MYOZ2: variants seen among roughly 807,000 people sequenced by gnomAD.
MYOZ2 encodes myozenin 2.
In MYOZ2, 19 loss-of-function variants were observed where a neutral mutation model predicts 25.4. The observed-to-expected ratio is 0.75, with a 90% CI of 0.52 to 1.10. The LOEUF (loss-of-function observed/expected upper bound fraction) is 1.10, where lower values mean the gene tolerates loss of function less well. Among genes scored for constraint, MYOZ2 ranks in the 50% least tolerant of loss-of-function variants. MYOZ2 has a pLI of 0.00. For missense variants in MYOZ2, 270 were observed against 317.9 expected (o/e 0.85, Z 1.15); for synonymous variants, 92 against 106.9 (o/e 0.86, Z 0.86).
intron 5 of MYOZ2, among the ~76,000 whole-genome samples, chr4:119,165,843 G>A (rs952278000): frequency 2.0e-5 from 3 of 152,130 alleles, no homozygotes; most frequent in Admixed American, 1.3e-4. Context: ...TTGGTGCCCT[G>A]TACCTGCTGA....
chr4:119,152,489 C>T (rs1043899712), intron 3 of MYOZ2, among the ~76,000 whole-genome samples: 1 of 152,036 alleles, frequency 6.6e-6, no homozygotes, highest in Non-Finnish European at 1.5e-5. Context: ...AGGAATAATG[C>T]TTTAACTACA....
intron 2 of MYOZ2, among the ~76,000 whole-genome samples, chr4:119,143,299 G>T (rs867235444): frequency 6.6e-6 from 1 of 151,780 alleles, no homozygotes; most frequent in South Asian, 2.1e-4. Context: ...AGGTTCAAGC[G>T]ATTCTCCTGC....
At chr4:119,172,964 CTCTTA>C (rs1205082904) in intron 5 of MYOZ2, among the ~76,000 whole-genome samples, 1 of 152,174 alleles carries the variant, frequency 6.6e-6, no homozygotes. Context: ...GTCACTTAAC[CTCTTA>C]TCTTAATTTC....
chr4:119,170,184 T>C (rs1741918001), intron 5 of MYOZ2, among the ~76,000 whole-genome samples: 1 of 152,090 alleles, frequency 6.6e-6, no homozygotes, highest in Admixed American at 6.5e-5. Flanking sequence ...ATTCCCTCTC[T>C]GCCACCATCA....
At position 119,187,206 on chromosome 4, in the gene MYOZ2, TA is replaced by T; in HGVS notation, c.*1010del. 6.6e-6 allele frequency: 1 copy of T among 152,172 alleles called. No homozygotes were observed. The highest frequency in any genetic ancestry group is 1.5e-5 in the Non-Finnish European group (1 of 68,010). 9.4% of individuals were successfully genotyped at this position (152,172 alleles called of 1,614,324 possible). On this transcript the variant is annotated 3_prime_UTR_variant, in exon 6 of 6. Transcript: ENST00000307128. The stretch of plus-strand genomic sequence containing the variant: ...TCGTAATATATGTAATATATTGACA[TA>T]AAAGACACAAACTAATATAAAGTTA...
At chr4:119,146,124 T>A (rs1169406879) in intron 2 of MYOZ2, among the ~76,000 whole-genome samples, 1 of 152,168 alleles carries the variant, frequency 6.6e-6, no homozygotes, top group Non-Finnish European at 1.5e-5. Flanking sequence ...ATATTTTCCA[T>A]GTTAATCTTA....
rs1561138853 is a variant in MYOZ2 at position 119,187,746 on chromosome 4, AT to A, written c.*1550del. 6.6e-6 allele frequency: 1 copy of A among 152,102 alleles called. No homozygotes were observed. The highest frequency in any genetic ancestry group is 1.9e-4 in the East Asian group (1 of 5,202). The allele number at this position is 152,102 out of a possible 1,614,324, so 9.4% of individuals were successfully genotyped here. A position where few individuals can be genotyped will look rare whatever the true frequency, so the allele number is the denominator to read the frequency against. ...GCTCCCATCATGCCATTTTTTGTTC[AT>A]TTTAATCTTTAAAAAATAAAAATTA... On this transcript the variant is annotated 3_prime_UTR_variant, in exon 6 of 6. Transcript: ENST00000307128.
intron 3 of MYOZ2, among the ~76,000 whole-genome samples, chr4:119,157,441 A>G (rs1741605441): frequency 1.3e-5 from 2 of 152,108 alleles, no homozygotes; most frequent in African/African-American, 2.4e-5. Flanking sequence ...TCAGCATTTT[A>G]TTTTCTAAAA....
At chr4:119,183,185 C>T (rs1226664035) in intron 5 of MYOZ2, among the ~76,000 whole-genome samples, 1 of 152,002 alleles carries the variant, frequency 6.6e-6, no homozygotes. Context: ...GAATTCCAAT[C>T]TTCTTAGAGT....
intron 4 of MYOZ2, 80 bp downstream of exon 4, chr4:119,158,231 T>G: frequency 6.5e-7 from 1 of 1,541,756 alleles, no homozygotes; most frequent in Admixed American, 1.7e-5. Flanking sequence ...AAGCCTTTAT[T>G]GAATAGTATT....
chr4:119,147,051 T>C (rs1304051904), intron 2 of MYOZ2, among the ~76,000 whole-genome samples: 4 of 152,302 alleles, frequency 2.6e-5, no homozygotes, highest in African/African-American at 9.6e-5. Flanking sequence ...TTGCTTGATA[T>C]ATATTTTTCC....
intron 5 of MYOZ2, among the ~76,000 whole-genome samples, chr4:119,173,262 G>T (rs1325207888): frequency 6.6e-6 from 1 of 152,184 alleles, no homozygotes; most frequent in Non-Finnish European, 1.5e-5. Context: ...GGATGAAATA[G>T]AAAAATCATT....
chr4:119,184,276 T>C (rs1742250800), intron 5 of MYOZ2, among the ~76,000 whole-genome samples: 1 of 152,208 alleles, frequency 6.6e-6, no homozygotes, highest in African/African-American at 2.4e-5. Context: ...CAAGTTTACC[T>C]CTCTGTCCCC....
chr4:119,145,338 G>GTTTTTTT (rs60344545), intron 2 of MYOZ2, among the ~76,000 whole-genome samples: 10 of 100,610 alleles, frequency 9.9e-5, no homozygotes, highest in African/African-American at 2.2e-4. Flanking sequence ...TGCGTGTGTG[G>GTTTTTTT]TTTTTTTTTT....
At chr4:119,165,008 AGT>A (rs557540730) in intron 5 of MYOZ2, among the ~76,000 whole-genome samples, 23 of 151,526 alleles carry the variant, frequency 1.5e-4, no homozygotes, top group African/African-American at 5.1e-4. Flanking sequence ...AATTTTTAAT[AGT>A]CTCATAATCC....
intron 4 of MYOZ2, among the ~76,000 whole-genome samples, chr4:119,160,378 C>T (rs184329605): frequency 6.1e-4 from 92 of 151,472 alleles, no homozygotes; most frequent in Non-Finnish European, 1.1e-3. Context: ...AATGTTGATA[C>T]AATTTAGTGC....
At chr4:119,160,137 C>T (rs1300642188) in intron 4 of MYOZ2, among the ~76,000 whole-genome samples, 1 of 152,116 alleles carries the variant, frequency 6.6e-6, no homozygotes, top group African/African-American at 2.4e-5. Context: ...AGAAATCTCG[C>T]TTTACAGGGT....
At chr4:119,140,634 T>C (rs1034870000) in intron 2 of MYOZ2, among the ~76,000 whole-genome samples, 4 of 152,216 alleles carry the variant, frequency 2.6e-5, no homozygotes, top group Non-Finnish European at 4.4e-5. Flanking sequence ...AATTGTATTT[T>C]ACACTGAAGT....
At chr4:119,161,074 A>G (rs577104354) in intron 4 of MYOZ2, among the ~76,000 whole-genome samples, 1 of 152,040 alleles carries the variant, frequency 6.6e-6, no homozygotes, top group African/African-American at 2.4e-5. Context: ...AGCCTCTAGT[A>G]TCCTCTGTCC....
Sources: gnomAD v4.1 joint callset for allele counts (sites outside exome capture counted in the v4.1 genomes callset) on GRCh38, gnomAD v4.1.1 for gene constraint, MANE v1.5 for transcripts, NCBI Gene and HGNC (gene_info 2026-07-23, HGNC 2026-07-21) for gene names.